ASTN1: variants seen among roughly 807,000 people sequenced by gnomAD.
ASTN1 encodes the protein astrotactin 1, also known as astrotactin-1.
Under a neutral mutation model 140.7 loss-of-function variants are expected in ASTN1, and 41 were observed. The ratio of observed to expected loss-of-function variants is 0.29; its 90% CI spans 0.23 to 0.38. The LOEUF (loss-of-function observed/expected upper bound fraction) is 0.38. ASTN1 is among the 10% of genes least tolerant of loss of function. ASTN1 has a pLI of 1.00. For synonymous variants in ASTN1, 640 were observed against 652.2 expected (o/e 0.98, Z 0.29); for missense variants, 1,479 against 1,678.8 (o/e 0.88, Z 2.08).
intron 1 of ASTN1, among the ~76,000 whole-genome samples, chr1:177,108,278 G>A (rs763787122): frequency 6.6e-6 from 1 of 150,638 alleles, no homozygotes; most frequent in South Asian, 2.1e-4. Flanking sequence ...GGACCCGGGA[G>A]GTGGAGGTTG....
In ASTN1 at chr1:177,149,599, GTA is replaced by G. The variant is rs1203410325; in HGVS notation, c.283+14793_283+14794del. On this transcript the variant is annotated intron_variant, in intron 1 of 22. Transcript: ENST00000361833. ...TATATATAGTAAATATATATACACT[GTA>G]TATATATAGTAAATATATATACACT... Among the ~76,000 whole-genome samples the G allele has an allele frequency of 1.8e-4, 15 of 85,612 alleles. 2 individuals are homozygous for G. Among genetic ancestry groups the G allele is most frequent in the Admixed American group, 1.1e-3 (7 of 6,330 alleles). The allele number at this position is 85,612 out of a possible 152,430, so 56.2% of individuals were successfully genotyped here.
chr1:176,982,987 G>A (rs1217440603), intron 8 of ASTN1, among the ~76,000 whole-genome samples: 1 of 152,144 alleles, frequency 6.6e-6, no homozygotes, highest in Non-Finnish European at 1.5e-5. Flanking sequence ...ATGATTGAGG[G>A]GGGATTTGCA....
At chr1:176,986,613 GTA>G (rs1673918635) in intron 8 of ASTN1, among the ~76,000 whole-genome samples, 1 of 151,860 alleles carries the variant, frequency 6.6e-6, no homozygotes, top group African/African-American at 2.4e-5. Context: ...TTGTCACTCA[GTA>G]TAGTCTCACG....
At chr1:176,939,221 A>G (rs1037122422) in intron 14 of ASTN1, among the ~76,000 whole-genome samples, 10 of 152,144 alleles carry the variant, frequency 6.6e-5, no homozygotes, top group African/African-American at 2.4e-4. Context: ...CTCTCTCATC[A>G]TACCTAACTG....
intron 1 of ASTN1, among the ~76,000 whole-genome samples, chr1:177,118,535 A>C (rs1245927437): frequency 1.3e-5 from 2 of 152,192 alleles, no homozygotes; most frequent in African/African-American, 4.8e-5. Flanking sequence ...AGTAAAGACC[A>C]CTAAGGTAGT....
At chr1:176,901,177 G>A (rs1333770297) in intron 16 of ASTN1, among the ~76,000 whole-genome samples, 2 of 152,172 alleles carry the variant, frequency 1.3e-5, no homozygotes, top group African/African-American at 2.4e-5. Flanking sequence ...CTACTTTTGG[G>A]TGCAAATAGG....
At chr1:176,912,321 C>A (rs1670282097) in intron 16 of ASTN1, among the ~76,000 whole-genome samples, 1 of 152,186 alleles carries the variant, frequency 6.6e-6, no homozygotes, top group Non-Finnish European at 1.5e-5. Context: ...ATTATGTAAA[C>A]AAATGCACAT....
chr1:176,908,493 C>A (rs994994180), intron 16 of ASTN1, among the ~76,000 whole-genome samples: 1 of 152,144 alleles, frequency 6.6e-6, no homozygotes, highest in Non-Finnish European at 1.5e-5. Context: ...ATATCATATC[C>A]CAGGCCAACC....
chr1:176,915,673 C>CATCT (rs1009567290), intron 16 of ASTN1, among the ~76,000 whole-genome samples: 1 of 152,100 alleles, frequency 6.6e-6, no homozygotes, highest in African/African-American at 2.4e-5. Context: ...CAGAACCCAA[C>CATCT]ATCTATAAAC....
intron 8 of ASTN1, among the ~76,000 whole-genome samples, chr1:177,009,418 A>G (rs561057164): frequency 1.3e-5 from 2 of 152,306 alleles, no homozygotes; most frequent in East Asian, 3.9e-4. Context: ...TGTTTTGAGC[A>G]AGACAGAGGA....
intron 12 of ASTN1, among the ~76,000 whole-genome samples, chr1:176,948,305 G>C (rs537318250): frequency 2.8e-5 from 4 of 143,914 alleles, no homozygotes; most frequent in Admixed American, 6.9e-5. Flanking sequence ...GGAGGGAGAG[G>C]GGGGAGAATG....
intron 16 of ASTN1, among the ~76,000 whole-genome samples, chr1:176,913,696 G>C (rs1168526384): frequency 6.6e-6 from 1 of 152,214 alleles, no homozygotes; most frequent in Non-Finnish European, 1.5e-5. Flanking sequence ...AGCATCTCTA[G>C]AGTTGAACAA....
At chr1:176,987,704 AGG>A (rs1424208238) in intron 8 of ASTN1, among the ~76,000 whole-genome samples, 22 of 152,186 alleles carry the variant, frequency 1.4e-4, no homozygotes, top group Non-Finnish European at 2.9e-4. Context: ...ATTAATTCCC[AGG>A]CTCTTTCTTT....
chr1:176,893,782 G>T (rs559770458), intron 17 of ASTN1, among the ~76,000 whole-genome samples: 4 of 152,236 alleles, frequency 2.6e-5, no homozygotes, highest in African/African-American at 9.6e-5. Flanking sequence ...TTTTACTTTT[G>T]TTGTTGTTGC....
chr1:177,023,413 G>A lies in ASTN1; in HGVS notation c.1429C>T (p.Pro477Ser). The change falls in exon 7 of 23, where the codon CCC (proline) becomes TCC (serine). Residue 477 changes from proline to serine, a missense_variant. Coordinates refer to ENST00000361833, the MANE Select transcript of ASTN1 (RefSeq NM_004319.3). ...LLDPCEHQCD[P>S]ETGECLCYEG... The stretch of plus-strand genomic sequence containing the variant: ...CGGTGCTCCCGCCTACCAGTTTCGG[G>A]GTCACATTGGTGTTCACAGGGGTCC... The A allele has an allele frequency of 6.3e-7, 1 of 1,593,792 alleles. No individual in the cohort carries two copies. The highest frequency in any genetic ancestry group is 1.8e-5 in the Admixed American group (1 of 56,948).
intron 1 of ASTN1, among the ~76,000 whole-genome samples, chr1:177,103,081 A>G (rs1680377034): frequency 1.3e-5 from 2 of 152,222 alleles, no homozygotes; most frequent in Non-Finnish European, 2.9e-5. Flanking sequence ...GCTAATGTCT[A>G]TAGAAAGTTT....
At chr1:176,944,061 C>G (rs760545524) in intron 13 of ASTN1, 43 bp from the exon 14 acceptor site, 4 of 1,597,662 alleles carry the variant, frequency 2.5e-6, no homozygotes, top group Non-Finnish European at 3.4e-6. Flanking sequence ...TTCAGGTGAA[C>G]CTGACTCCTT....
At chr1:177,117,041 T>C (rs1369468334) in intron 1 of ASTN1, among the ~76,000 whole-genome samples, 1 of 152,114 alleles carries the variant, frequency 6.6e-6, no homozygotes, top group Non-Finnish European at 1.5e-5. Context: ...TTAAAGTAGG[T>C]GTCTACGTGC....
intron 1 of ASTN1, among the ~76,000 whole-genome samples, chr1:177,095,393 G>A (rs907392490): frequency 6.6e-6 from 1 of 152,076 alleles, no homozygotes; most frequent in Admixed American, 6.6e-5. Context: ...GACCCCAAAG[G>A]CATTTTAAAG....
Sources: allele counts gnomAD v4.1 joint callset (sites outside exome capture counted in the v4.1 genomes callset), GRCh38; gene constraint gnomAD v4.1.1; transcripts MANE v1.5; gene names NCBI Gene and HGNC (gene_info 2026-07-23, HGNC 2026-07-21).